The following PPP1R9A variants were observed in gnomAD, a reference collection of about 807,000 sequenced individuals.
PPP1R9A encodes protein phosphatase 1 regulatory subunit 9A.
Under a neutral mutation model 141.9 loss-of-function variants are expected in PPP1R9A, and 59 were observed. The observed-to-expected ratio is 0.42, with a 90% CI of 0.34 to 0.52. The LOEUF is 0.52. PPP1R9A is among the 20% of genes least tolerant of loss of function. PPP1R9A has a pLI of 0.10. For missense variants in PPP1R9A, 1,444 were observed against 1,611.9 expected (o/e 0.90, Z 1.78); for synonymous variants, 500 against 569.7 (o/e 0.88, Z 1.74).
At chr7:95,058,011 A>G (rs1475345173) in intron 2 of PPP1R9A, among the ~76,000 whole-genome samples, 2 of 152,170 alleles carry the variant, frequency 1.3e-5, no homozygotes, top group African/African-American at 4.8e-5. Flanking sequence ...AGTACTAGAA[A>G]TTCTTGTAGA....
At chr7:94,961,760 T>G (rs1411670007) in intron 2 of PPP1R9A, among the ~76,000 whole-genome samples, 1 of 151,946 alleles carries the variant, frequency 6.6e-6, no homozygotes, top group Non-Finnish European at 1.5e-5. Flanking sequence ...CCTTATCGTT[T>G]AACACATTCA....
intron 5 of PPP1R9A, among the ~76,000 whole-genome samples, chr7:95,177,915 GACA>G (rs1412932637): frequency 1.3e-5 from 2 of 152,064 alleles, no homozygotes; most frequent in Non-Finnish European, 2.9e-5. Flanking sequence ...AAATGAGATA[GACA>G]ACAACACAGT....
Position 95,227,373 on chromosome 7 carries a change from G to A in PPP1R9A, c.2112+1257G>A, listed in dbSNP as rs1377924933. ...CACATTCTTTTATGGGAGGTGAAGA[G>A]CCTACAGGGCACAGATAATATATGG... On this transcript the variant is annotated intron_variant, in intron 8 of 19. Coordinates refer to ENST00000433360, the MANE Select transcript of PPP1R9A (RefSeq NM_001166160.2). 4.6e-5 allele frequency among the ~76,000 whole-genome samples: 7 copies of A among 152,152 alleles called. No individual in the cohort carries two copies. The East Asian group carries it at 9.6e-4, about 21-fold the overall frequency.
rs1806631136 is a variant in PPP1R9A, at chr7:95,025,145, CAACCTCTGCCTCCTGGGTTCAAGCAATT to C, written c.1396-86113_1396-86086del. Among the ~76,000 whole-genome samples the C allele has an allele frequency of 7.9e-5, 12 of 152,118 alleles. No individual in the cohort carries two copies. The South Asian group carries it at 2.5e-3, about 32-fold the overall frequency. On this transcript the variant is annotated intron_variant, in intron 2 of 19. Coordinates refer to ENST00000433360, the MANE Select transcript of PPP1R9A (RefSeq NM_001166160.2). Reference sequence around the variant, plus strand: ...GCAATGGCATGATCTCAGCTCACTGCAACCTCTGCCTCCTGGGTTCAAGCAATTCTCCTGCCTCAGCCTCCCGAGTAGT... The same window carrying C: ...GCAATGGCATGATCTCAGCTCACTGCCTCCTGCCTCAGCCTCCCGAGTAGT...
rs568563955 is a variant in PPP1R9A at position 94,918,852 on chromosome 7, G to T, written c.1395+7344G>T. ...AAAGTCTAGAGAGCAATGGCATAAA[G>T]AATTTTCTTCTGGTTGGTGATATGG... On this transcript the variant is annotated intron_variant, in intron 2 of 19. Transcript: ENST00000433360. 5.9e-5 allele frequency among the ~76,000 whole-genome samples: 9 copies of T among 152,288 alleles called. No individual in the cohort carries two copies. In the East Asian group the frequency reaches 1.4e-3, roughly 23 times the overall value.
chr7:95,233,529 A>AT (rs945369059), intron 8 of PPP1R9A, among the ~76,000 whole-genome samples: 2 of 152,092 alleles, frequency 1.3e-5, no homozygotes, highest in Non-Finnish European at 2.9e-5. Context: ...AAAAAGAAAA[A>AT]TAATGTAAAA....
intron 2 of PPP1R9A, among the ~76,000 whole-genome samples, chr7:94,985,134 T>C (rs1800646789): frequency 6.6e-6 from 1 of 152,230 alleles, no homozygotes; most frequent in African/African-American, 2.4e-5. Context: ...TCCATGTAGT[T>C]GTGCAGTTTT....
At chr7:95,107,664 C>G (rs1013873547) in intron 2 of PPP1R9A, among the ~76,000 whole-genome samples, 1 of 152,074 alleles carries the variant, frequency 6.6e-6, no homozygotes, top group Non-Finnish European at 1.5e-5. Context: ...ATGGATCTAT[C>G]CCAGAGCTCA....
intron 2 of PPP1R9A, among the ~76,000 whole-genome samples, chr7:94,961,083 A>G (rs765633218): frequency 2.0e-5 from 3 of 151,562 alleles, no homozygotes; most frequent in Non-Finnish European, 4.4e-5. Flanking sequence ...GAGTAGTGAT[A>G]TGATGTATTT....
intron 2 of PPP1R9A, among the ~76,000 whole-genome samples, chr7:95,074,568 A>G (rs967404911): frequency 6.7e-6 from 1 of 149,242 alleles, no homozygotes; most frequent in African/African-American, 2.5e-5. Context: ...TCTGCCTCCC[A>G]GGTTCAAGTG....
intron 2 of PPP1R9A, among the ~76,000 whole-genome samples, chr7:95,077,981 T>TG (rs1257603521): frequency 1.3e-5 from 2 of 149,028 alleles, no homozygotes; most frequent in African/African-American, 5.2e-5. Context: ...ACTCTGTTTT[T>TG]TTTTTTTTTA....
intron 2 of PPP1R9A, among the ~76,000 whole-genome samples, chr7:95,086,748 G>T (rs998737638): frequency 7.2e-5 from 11 of 152,062 alleles, no homozygotes; most frequent in Middle Eastern, 3.4e-3. Flanking sequence ...TCAAAAGGGG[G>T]CATGTAGCAC....
At chr7:94,968,456 G>A (rs1192852862) in intron 2 of PPP1R9A, among the ~76,000 whole-genome samples, 1 of 138,642 alleles carries the variant, frequency 7.2e-6, no homozygotes, top group African/African-American at 2.7e-5. Context: ...ACAGGCGTGA[G>A]CGTCTCTTTT....
At chr7:95,162,138 A>T (rs1740090551) in intron 5 of PPP1R9A, among the ~76,000 whole-genome samples, 167 bp downstream of exon 5, 1 of 152,226 alleles carries the variant, frequency 6.6e-6, no homozygotes, top group Non-Finnish European at 1.5e-5. Flanking sequence ...TAGTTCATGA[A>T]AATAGAATTT....
chr7:95,140,591 A>G (rs1050245565), intron 4 of PPP1R9A, among the ~76,000 whole-genome samples: 1 of 152,134 alleles, frequency 6.6e-6, no homozygotes, highest in Non-Finnish European at 1.5e-5. Context: ...GGGTTTTGCC[A>G]TGTTGGCCAG....
rs776594588 is a variant in PPP1R9A at position 95,288,732 on chromosome 7, T to A, written c.3912+14T>A. 1.2e-5 allele frequency: 19 copies of A among 1,612,132 alleles called. No homozygotes were observed. The African/African-American group carries it at 2.3e-4, about 19-fold the overall frequency. ...AATAAACTTAAGGTAAAGAATTATA[T>A]GTCTGTCTTAGGTTACCAGGTATAA... On this transcript the variant is annotated intron_variant, in intron 19 of 19. Transcript: ENST00000433360.
At chr7:95,007,865 A>G (rs1278967007) in intron 2 of PPP1R9A, among the ~76,000 whole-genome samples, 1 of 152,174 alleles carries the variant, frequency 6.6e-6, no homozygotes, top group East Asian at 1.9e-4. Flanking sequence ...TGAGGTCAGG[A>G]GCTCGAGACC....
At chr7:95,215,710 C>G (rs1295052857) in intron 7 of PPP1R9A, among the ~76,000 whole-genome samples, 14 of 152,194 alleles carry the variant, frequency 9.2e-5, no homozygotes, top group Non-Finnish European at 1.8e-4. Flanking sequence ...ATTTGCATTT[C>G]TCTGATGGCC....
chr7:95,058,740 G>A (rs1300978037), intron 2 of PPP1R9A, among the ~76,000 whole-genome samples: 3 of 152,028 alleles, frequency 2.0e-5, no homozygotes, highest in African/African-American at 7.2e-5. Context: ...GTGGAGCGGG[G>A]TGGAGTAGGG....
Sources: gnomAD v4.1 joint callset for allele counts (sites outside exome capture counted in the v4.1 genomes callset) on GRCh38, gnomAD v4.1.1 for gene constraint, MANE v1.5 for transcripts, NCBI Gene and HGNC (gene_info 2026-07-23, HGNC 2026-07-21) for gene names.